RAMP1: variants seen among roughly 807,000 people sequenced by gnomAD.
RAMP1 encodes the protein receptor activity modifying protein 1, also known as receptor activity-modifying protein 1.
A neutral mutation model predicts 8.2 loss-of-function variants in RAMP1; 7 were observed. The observed-to-expected ratio is 0.85, with a 90% CI of 0.49 to 1.60. RAMP1 has a LOEUF of 1.60. Ranked by LOEUF, RAMP1 falls within the 40% of genes most tolerant of loss-of-function variation. The pLI is 0.00. For synonymous variants in RAMP1, 92 were observed against 84.7 expected (o/e 1.09, Z -0.47); for missense variants, 192 against 202.4 (o/e 0.95, Z 0.31).
At chr2:237,874,668 G>A (rs910449331) in intron 1 of RAMP1, 1 of 985,348 alleles carries the variant, frequency 1.0e-6, no homozygotes, top group South Asian at 4.7e-5. Context: ...AGGCACGCTT[G>A]CTTCACTCCC....
At chr2:237,911,075 ATAAC>A (rs2062707764) in intron 2 of RAMP1, among the ~76,000 whole-genome samples, 1 of 152,018 alleles carries the variant, frequency 6.6e-6, no homozygotes, top group South Asian at 2.1e-4. Context: ...CGCACACAGA[ATAAC>A]AGTTACACAT....
chr2:237,874,886 A>G (rs200375677), intron 1 of RAMP1, among the ~76,000 whole-genome samples: 2 of 133,124 alleles, frequency 1.5e-5, no homozygotes, highest in African/African-American at 6.8e-5. Flanking sequence ...GGACAGGGTA[A>G]GGGGGCAGGC....
chr2:237,910,442 CAG>C (rs755653139), intron 2 of RAMP1, among the ~76,000 whole-genome samples: 19 of 151,682 alleles, frequency 1.3e-4, no homozygotes, highest in Non-Finnish European at 2.1e-4. Context: ...GTCACACACT[CAG>C]AGAATAACAG....
intron 2 of RAMP1, among the ~76,000 whole-genome samples, chr2:237,879,628 C>G (rs1388202362): frequency 3.2e-5 from 4 of 125,180 alleles, no homozygotes; most frequent in Non-Finnish European, 6.6e-5. Flanking sequence ...ACCAATATGG[C>G]ACATGTATAC....
At chr2:237,863,762 C>T (rs560358189) in intron 1 of RAMP1, among the ~76,000 whole-genome samples, 5 of 151,936 alleles carry the variant, frequency 3.3e-5, no homozygotes, top group African/African-American at 7.2e-5. Flanking sequence ...CCCGACTCTA[C>T]GTTCTCAGCT....
chr2:237,904,034 C>T (rs1283594397), intron 2 of RAMP1, among the ~76,000 whole-genome samples: 1 of 152,250 alleles, frequency 6.6e-6, no homozygotes, highest in Non-Finnish European at 1.5e-5. Context: ...CCACCACGCC[C>T]AGCCTAGCAT....
chr2:237,869,572 A>T (rs2151004562), intron 1 of RAMP1, among the ~76,000 whole-genome samples: 1 of 152,284 alleles, frequency 6.6e-6, no homozygotes, highest in South Asian at 2.1e-4. Flanking sequence ...AGGTTCTTCC[A>T]TGTCGTAGTG....
intron 2 of RAMP1, among the ~76,000 whole-genome samples, chr2:237,891,968 A>G (rs1156649228): frequency 6.6e-6 from 1 of 152,038 alleles, no homozygotes; most frequent in Non-Finnish European, 1.5e-5. Context: ...ACATGTAATC[A>G]TTTTTGCTCT....
At chr2:237,869,437 A>G (rs1360367377) in intron 1 of RAMP1, among the ~76,000 whole-genome samples, 1 of 151,810 alleles carries the variant, frequency 6.6e-6, no homozygotes. Context: ...TTAAACACTA[A>G]CCCCCTGCTG....
intron 2 of RAMP1, among the ~76,000 whole-genome samples, chr2:237,909,021 G>T (rs1005184486): frequency 6.6e-6 from 1 of 152,260 alleles, no homozygotes; most frequent in African/African-American, 2.4e-5. Flanking sequence ...TGGCATCATG[G>T]ATACGGGGGT....
intron 2 of RAMP1, among the ~76,000 whole-genome samples, chr2:237,896,928 C>T (rs919042546): frequency 6.6e-6 from 1 of 152,202 alleles, no homozygotes; most frequent in Non-Finnish European, 1.5e-5. Context: ...GGGTTGCAGG[C>T]GTGAGCCACT....
Position 237,878,237 on chromosome 2 carries a change from A to C in RAMP1, c.191+875A>C, listed in dbSNP as rs905738320. The C allele has an allele frequency of 2.1e-6, 2 of 950,154 alleles. No individual in the cohort carries two copies. The highest frequency in any genetic ancestry group is 9.7e-5 in the South Asian group (2 of 20,552). 58.9% of individuals were successfully genotyped at this position (950,154 alleles called of 1,614,324 possible). A position where few individuals can be genotyped will look rare whatever the true frequency, so the allele number is the denominator to read the frequency against. ...AAGTCCTGGTGCCCCACCGATGACAAGCGCTTTCCCCAGTGCCTGAGAGAA... is the reference window on the plus strand; with the variant it reads ...AAGTCCTGGTGCCCCACCGATGACACGCGCTTTCCCCAGTGCCTGAGAGAA... On this transcript the variant is annotated intron_variant, in intron 2 of 2. Coordinates refer to ENST00000254661, the MANE Select transcript of RAMP1 (RefSeq NM_005855.4). This position sits in a 1 kb window ranked among gnomAD's most constrained non-coding sequence, Gnocchi z 5.7.
chr2:237,897,707 A>G (rs1559950804), intron 2 of RAMP1, among the ~76,000 whole-genome samples: 1 of 149,620 alleles, frequency 6.7e-6, no homozygotes, highest in Non-Finnish European at 1.5e-5. Flanking sequence ...CACGTGTCTT[A>G]GTGGAAACCT....
intron 2 of RAMP1, among the ~76,000 whole-genome samples, chr2:237,886,902 C>T (rs540944145): frequency 1.4e-4 from 22 of 152,314 alleles, no homozygotes; most frequent in Admixed American, 1.2e-3. Context: ...GGCGGGGGCT[C>T]GTCGTAGCTC....
At chr2:237,896,202 C>G (rs1315464721) in intron 2 of RAMP1, among the ~76,000 whole-genome samples, 3 of 152,206 alleles carry the variant, frequency 2.0e-5, no homozygotes, top group African/African-American at 7.2e-5. Context: ...TTTGGCAGCC[C>G]CAGGAGCCAG....
In RAMP1 at chr2:237,883,826, AAAAAG is replaced by A. The variant is rs1363012537; in HGVS notation, c.191+6479_191+6483del. On this transcript the variant is annotated intron_variant, in intron 2 of 2. Coordinates refer to ENST00000254661, the MANE Select transcript of RAMP1 (RefSeq NM_005855.4). The stretch of plus-strand genomic sequence containing the variant: ...AACCAGACCCTACCTCAAAAAAAAA[AAAAAG>A]AAAAGAAAAGAAAAAAAAAAAAGAG... 6.5e-3 allele frequency among the ~76,000 whole-genome samples: 968 copies of A among 149,654 alleles called. 11 individuals carry two copies. The highest frequency in any genetic ancestry group is 0.022 in the African/African-American group (869 of 40,350).
rs922458284 is a variant in RAMP1, at chr2:237,865,873, T to C, written c.52+6146T>C. 6.6e-6 allele frequency among the ~76,000 whole-genome samples: 1 copy of C among 151,988 alleles called. No individual in the cohort carries two copies. Among genetic ancestry groups the C allele is most frequent in the African/African-American group, 2.4e-5 (1 of 41,362 alleles). ...TGGTGGAGGGAGGCAGATGGCAGGG[T>C]CCTTTGCAGGAGAGGCAGCGGCGAA... is the stretch of plus-strand genomic sequence containing the variant. On this transcript the variant is annotated intron_variant, in intron 1 of 2. Coordinates refer to ENST00000254661, the MANE Select transcript of RAMP1 (RefSeq NM_005855.4). The surrounding 1 kb of genome is among the most constrained non-coding windows in gnomAD (Gnocchi z 4.2).
chr2:237,886,217 C>G (rs1460121151), intron 2 of RAMP1, among the ~76,000 whole-genome samples: 1 of 152,164 alleles, frequency 6.6e-6, no homozygotes, highest in Non-Finnish European at 1.5e-5. Context: ...GGCCGCCCCA[C>G]GGGGGTGTCG....
At chr2:237,861,812 C>T (rs542612745) in intron 1 of RAMP1, among the ~76,000 whole-genome samples, 36 of 151,064 alleles carry the variant, frequency 2.4e-4, no homozygotes, top group African/African-American at 8.5e-4. Context: ...GATCATGCCA[C>T]TGCACTCCAG....
Sources: gnomAD v4.1 joint callset for allele counts (sites outside exome capture counted in the v4.1 genomes callset) on GRCh38, gnomAD v4.1.1 for gene constraint, Gnocchi (gnomAD v3.1) non-coding constraint, MANE v1.5 for transcripts, NCBI Gene and HGNC (gene_info 2026-07-23, HGNC 2026-07-21) for gene names.